Variants in OSBPL5 observed in about 807,000 individuals in gnomAD.
The protein encoded by OSBPL5 is oxysterol-binding protein-related protein 5.
A neutral mutation model predicts 111.2 loss-of-function variants in OSBPL5; 71 were observed. The observed-to-expected ratio is 0.64, with a 90% CI of 0.53 to 0.78. The LOEUF is 0.78. OSBPL5 is among the 30% of genes least tolerant of loss of function. The probability of loss-of-function intolerance (pLI) is 0.00; values close to 1 mark genes in which losing one functional copy is unlikely to be tolerated. For missense variants in OSBPL5, 1,210 were observed against 1,189.3 expected (o/e 1.02, Z -0.26); for synonymous variants, 549 against 513.9 (o/e 1.07, Z -0.93).
chr11:3,111,322 C>T (rs572479538), intron 7 of OSBPL5, among the ~76,000 whole-genome samples: 4 of 152,122 alleles, frequency 2.6e-5, no homozygotes, highest in African/African-American at 4.8e-5. Context: ...TTATGGAGTT[C>T]GAGCTTGCTT....
Position 3,103,699 on chromosome 11 carries a change from C to CCT in OSBPL5, c.1245-381_1245-380dup, listed in dbSNP as rs1564829411. 6.4e-4 allele frequency among the ~76,000 whole-genome samples: 95 copies of CCT among 147,898 alleles called. 1 individual carries two copies. The highest frequency in any genetic ancestry group is 1.4e-3 in the Admixed American group (21 of 14,906). On this transcript the variant is annotated intron_variant, in intron 10 of 21. Transcript: ENST00000263650. ...TCCAGTCTCTGCAGCCCCCTTCCAG[C>CCT]CTGCGTACCCCCTTCCAGGCTCTGC...
At chr11:3,119,871 G>A in intron 6 of OSBPL5, 2 of 522,360 alleles carry the variant, frequency 3.8e-6, no homozygotes, top group Non-Finnish European at 6.7e-6. Context: ...TTCCAGCTCT[G>A]AGCCTCCTGA....
chr11:3,097,019 AGGGGGAGG>A (rs1564824548), intron 14 of OSBPL5, among the ~76,000 whole-genome samples: 1 of 11,424 alleles, frequency 8.8e-5, no homozygotes, highest in African/African-American at 3.2e-4. Flanking sequence ...GGAAGACGGG[AGGGGGAGG>A]AGAGGAAAGA....
intron 1 of OSBPL5, among the ~76,000 whole-genome samples, chr11:3,133,143 G>A (rs1048478822): frequency 2.6e-5 from 4 of 152,250 alleles, no homozygotes; most frequent in Non-Finnish European, 4.4e-5. Context: ...CACTCCAGGC[G>A]TTGCCTAAGG....
rs564664384 is a variant in OSBPL5, at chr11:3,101,640, G to A, written c.1485C>T (p.Cys495=). ...FHVSNRKDGF[C]ISGSITAKSR... is the part of the protein sequence containing the mutation. ...ACTTGGCTGTGATGCTGCCACTGAT[G>A]CAGAAGCCGTCCTTCCGGTTGCTGA... The change falls in exon 13 of 22, where the codon TGC becomes TGT. Residue 495 remains cysteine, a synonymous_variant. Coordinates refer to ENST00000263650, the MANE Select transcript of OSBPL5 (RefSeq NM_020896.4). The A allele has an allele frequency of 2.5e-6, 4 of 1,613,972 alleles. No individual in the cohort carries two copies. Among genetic ancestry groups the A allele is most frequent in the South Asian group, 2.2e-5 (2 of 91,084 alleles).
chr11:3,157,200 A>C (rs558194908), intron 1 of OSBPL5, among the ~76,000 whole-genome samples: 2 of 152,334 alleles, frequency 1.3e-5, no homozygotes, highest in South Asian at 4.1e-4. Context: ...ACGAGGGAGG[A>C]AAGCAAGCGG....
At chr11:3,090,511 G>C (rs1041226710) in intron 20 of OSBPL5, 47 bp downstream of exon 20, 4 of 1,590,076 alleles carry the variant, frequency 2.5e-6, no homozygotes, top group Non-Finnish European at 2.6e-6. Flanking sequence ...AGCATCTGAG[G>C]CACCCCACCA....
intron 1 of OSBPL5, among the ~76,000 whole-genome samples, chr11:3,158,072 G>A (rs1335031385): frequency 1.3e-5 from 2 of 152,240 alleles, no homozygotes; most frequent in Admixed American, 6.5e-5. Context: ...GCCCTGTCCC[G>A]AAGCGGCCTC....
chr11:3,147,592 A>G (rs1332487780), intron 1 of OSBPL5, among the ~76,000 whole-genome samples: 1 of 152,222 alleles, frequency 6.6e-6, no homozygotes, highest in Non-Finnish European at 1.5e-5. Flanking sequence ...TCGAGGCGCC[A>G]AGTGCTCACG....
At chr11:3,091,072 C>A (rs939529649) in intron 19 of OSBPL5, among the ~76,000 whole-genome samples, 1 of 152,222 alleles carries the variant, frequency 6.6e-6, no homozygotes, top group African/African-American at 2.4e-5. Flanking sequence ...CAGATGAAAG[C>A]CGAGGCCACT....
intron 7 of OSBPL5, among the ~76,000 whole-genome samples, chr11:3,118,715 G>C (rs1199187172): frequency 2.0e-5 from 3 of 151,770 alleles, no homozygotes; most frequent in Non-Finnish European, 4.4e-5. Context: ...GGGATCACGG[G>C]CACCCACCAC....
At chr11:3,093,379 G>T in intron 17 of OSBPL5, 148 bp downstream of exon 17, 1 of 1,263,306 alleles carries the variant, frequency 7.9e-7, no homozygotes, top group Non-Finnish European at 1.1e-6. Context: ...TCCAGGACAC[G>T]TGATCTGCCA....
At chr11:3,114,234 G>GA (rs1410032615) in intron 7 of OSBPL5, among the ~76,000 whole-genome samples, 1 of 152,050 alleles carries the variant, frequency 6.6e-6, no homozygotes. Context: ...AAGGTAAAAG[G>GA]AACCAGGAAA....
intron 3 of OSBPL5, among the ~76,000 whole-genome samples, chr11:3,125,364 C>T (rs1858575484): frequency 6.6e-6 from 1 of 152,112 alleles, no homozygotes; most frequent in Admixed American, 6.5e-5. Flanking sequence ...ACAACCCATT[C>T]CAAAAATGGA....
chr11:3,165,180 G>T lies in OSBPL5; in HGVS notation c.-22+36C>A, dbSNP rs1847083845. ...ATCCTTCCCAGCCCGCCATCCCCCC[G>T]CCGCCCTGCCGCCCCCCGGGCCGCC... On this transcript the variant is annotated intron_variant, in intron 1 of 21. Transcript: ENST00000263650. This position sits in a 1 kb window ranked among gnomAD's most constrained non-coding sequence, Gnocchi z 7.4. The T allele has an allele frequency of 7.0e-6, 1 of 143,232 alleles. No homozygotes were observed. Among genetic ancestry groups the T allele is most frequent in the African/African-American group, 2.5e-5 (1 of 40,352 alleles). The allele number at this position is 143,232 out of a possible 1,614,324, so 8.9% of individuals were successfully genotyped here. A position where few individuals can be genotyped will look rare whatever the true frequency, so the allele number is the denominator to read the frequency against.
chr11:3,138,105 C>T (rs994590350), intron 1 of OSBPL5, among the ~76,000 whole-genome samples: 4 of 152,204 alleles, frequency 2.6e-5, no homozygotes, highest in African/African-American at 9.6e-5. Flanking sequence ...AGTCCTGTGC[C>T]TGTGGGCCCG....
At position 3,161,546 on chromosome 11, in the gene OSBPL5, CACCTACTGTGT is replaced by C. The variant is rs1488401356; in HGVS notation, c.-22+3659_-22+3669del. On this transcript the variant is annotated intron_variant, in intron 1 of 21. Coordinates refer to ENST00000263650, the MANE Select transcript of OSBPL5 (RefSeq NM_020896.4). The surrounding 1 kb of genome is among the most constrained non-coding windows in gnomAD (Gnocchi z 8.0). ...ACATGTGCCTCACTTAACCGTAGAA[CACCTACTGTGT>C]GCCAGCCCCTGGGAAGAGAGCCCGG... is the stretch of plus-strand genomic sequence containing the variant. Among the ~76,000 whole-genome samples the C allele has an allele frequency of 6.6e-6, 1 of 152,148 alleles. No homozygotes were observed. Among genetic ancestry groups the C allele is most frequent in the African/African-American group, 2.4e-5 (1 of 41,422 alleles).
intron 15 of OSBPL5, 138 bp from the exon 16 acceptor site, chr11:3,093,973 G>C: frequency 9.4e-7 from 1 of 1,064,370 alleles, no homozygotes; most frequent in Admixed American, 2.3e-5. Context: ...CCTCGCCAAC[G>C]AGGCCTTCGG....
In OSBPL5 at chr11:3,103,320, C is replaced by G; in HGVS notation, c.1245G>C (p.Arg415Ser). The G allele has an allele frequency of 6.2e-7, 1 of 1,604,134 alleles. No homozygotes were observed. Residue 415 changes from arginine to serine, a missense_variant and splice_region_variant, in exon 11 of 22, where the codon AGG (arginine) becomes AGC (serine). Physicochemically the swap from Arg to Ser is moderately radical, Grantham distance 110 (BLOSUM62 -1). Coordinates refer to ENST00000263650, the MANE Select transcript of OSBPL5 (RefSeq NM_020896.4). ...DYYYHADLLS[R>S]AAVEEDAYSR... ...TGTAGGCATCCTCCTCCACCGCAGC[C>G]CTGCCATGGGGCAGGAGAACGCTGA...
Sources: allele counts gnomAD v4.1 joint callset (sites outside exome capture counted in the v4.1 genomes callset), GRCh38; gene constraint gnomAD v4.1.1; non-coding constraint Gnocchi (gnomAD v3.1); transcripts MANE v1.5; gene names NCBI Gene and HGNC (gene_info 2026-07-23, HGNC 2026-07-21).